ABCA13: variants seen among roughly 807,000 people sequenced by gnomAD.
ABCA13 encodes ATP binding cassette subfamily A member 13.
Under a neutral mutation model 478.7 loss-of-function variants are expected in ABCA13, and 476 were observed. That is an observed-to-expected ratio of 0.99 (90% CI 0.92 to 1.07). ABCA13 has a LOEUF of 1.07. ABCA13 is among the 50% of genes least tolerant of loss of function. The pLI is 0.00. For synonymous variants in ABCA13, 2,252 were observed against 2,158.9 expected, an observed-to-expected ratio of 1.04 and a Z score of -1.20; for missense variants, 6,060 against 5,910.6, an observed-to-expected ratio of 1.03 and a Z score of -0.83.
rs78806338 is a variant in ABCA13 at position 48,576,438 on chromosome 7, T to C, written c.14355-3786T>C. Among the ~76,000 whole-genome samples the C allele has an allele frequency of 4.7e-3, 710 of 152,278 alleles. 4 individuals are homozygous for C. The highest frequency in any genetic ancestry group is 0.016 in the African/African-American group (668 of 41,566). On this transcript the variant is annotated intron_variant, in intron 55 of 61. Coordinates refer to ENST00000435803, the MANE Select transcript of ABCA13 (RefSeq NM_152701.5). ...ATGTGAAGACAGGGGAAAAATCCTT[T>C]CGTGCTTTCAGCAGGAGTTAATTAT...
chr7:48,564,334 G>A (rs993456876), intron 55 of ABCA13, among the ~76,000 whole-genome samples: 2 of 151,702 alleles, frequency 1.3e-5, no homozygotes, highest in African/African-American at 4.8e-5. Flanking sequence ...TTAAAGAATG[G>A]TATAAAACTG....
intron 55 of ABCA13, among the ~76,000 whole-genome samples, chr7:48,557,800 C>T (rs1019410377): frequency 5.3e-5 from 8 of 152,048 alleles, no homozygotes; most frequent in African/African-American, 9.7e-5. Flanking sequence ...TTTGCACCAA[C>T]GTAATATAAC....
intron 7 of ABCA13, among the ~76,000 whole-genome samples, chr7:48,232,765 CT>C (rs919678083): frequency 1.2e-4 from 18 of 152,314 alleles, no homozygotes; most frequent in African/African-American, 3.1e-4. Context: ...TATTTTTTCT[CT>C]CCTTTCTGGA....
In ABCA13 at chr7:48,176,111, C is replaced by T. The variant is rs1794840086; in HGVS notation, c.69+4559C>T. ...GGTGGTTGTTGTCTCCAGGATCCTA[C>T]ATCTGTTGACACCTTGGATCTCTGT... On this transcript the variant is annotated intron_variant, in intron 1 of 61. Coordinates refer to ENST00000435803, the MANE Select transcript of ABCA13 (RefSeq NM_152701.5). Among the ~76,000 whole-genome samples the T allele has an allele frequency of 1.3e-5, 2 of 152,190 alleles. 1 individual carries two copies. Among genetic ancestry groups the T allele is most frequent in the Admixed American group, 1.3e-4 (2 of 15,288 alleles).
chr7:48,378,143 G>C (rs956433826), intron 35 of ABCA13, among the ~76,000 whole-genome samples: 1 of 152,196 alleles, frequency 6.6e-6, no homozygotes. Flanking sequence ...TGGATGTCTG[G>C]TGTGCAGAGG....
intron 3 of ABCA13, among the ~76,000 whole-genome samples, chr7:48,201,474 C>A (rs1343842598): frequency 1.3e-5 from 2 of 152,178 alleles, no homozygotes; most frequent in Non-Finnish European, 2.9e-5. Context: ...GGCATCCCAG[C>A]ACTTTGGGAG....
chr7:48,620,477 T>C (rs1000249458), intron 59 of ABCA13, among the ~76,000 whole-genome samples: 2 of 152,054 alleles, frequency 1.3e-5, no homozygotes, highest in Non-Finnish European at 2.9e-5. Context: ...GAGGTTGTCC[T>C]GGGCATGTAA....
intron 35 of ABCA13, among the ~76,000 whole-genome samples, chr7:48,376,975 G>A (rs1813583382): frequency 6.6e-6 from 1 of 152,136 alleles, no homozygotes. Flanking sequence ...TAGGGACCAA[G>A]CGCTCAGCCA....
intron 13 of ABCA13, 122 bp downstream of exon 13, chr7:48,246,152 A>G (rs938282646): frequency 1.8e-5 from 19 of 1,071,870 alleles, no homozygotes; most frequent in Non-Finnish European, 2.2e-5. Context: ...CACACACTTA[A>G]AGGAAGCTGG....
chr7:48,438,289 C>A (rs934776842), intron 42 of ABCA13, among the ~76,000 whole-genome samples: 1 of 152,016 alleles, frequency 6.6e-6, no homozygotes, highest in Non-Finnish European at 1.5e-5. Context: ...TTTTTCCTAC[C>A]ATTTCAATGT....
At position 48,577,205 on chromosome 7, in the gene ABCA13, T is replaced by A. The variant is rs531239001; in HGVS notation, c.14355-3019T>A. Among the ~76,000 whole-genome samples the A allele has an allele frequency of 2.0e-5, 3 of 150,902 alleles. No homozygotes were observed. In the East Asian group the frequency reaches 5.8e-4, roughly 29 times the overall value. ...AGGAGCAAATTAAATTGAAAGTAAG[T>A]AGAAGAAAAGAAATGATAAAAATTA... On this transcript the variant is annotated intron_variant, in intron 55 of 61. Transcript: ENST00000435803.
At chr7:48,376,351 T>C in intron 34 of ABCA13, 90 bp from the exon 35 acceptor site, 1 of 1,492,196 alleles carries the variant, frequency 6.7e-7, no homozygotes. Flanking sequence ...CAACTTCACT[T>C]GAGCTTCCAG....
chr7:48,615,304 C>A lies in ABCA13; in HGVS notation c.14764C>A (p.Leu4922Ile). ...TTACAGCATGGAGGAGTGTGAGGCT[C>A]TTTGCACAAGACTGGCCATAATGGT... ...TSHSMEECEA[L>I]CTRLAIMVNG... The change falls in exon 59 of 62, where the codon CTT (leucine) becomes ATT (isoleucine). Residue 4922 changes from leucine to isoleucine, a missense_variant. Transcript: ENST00000435803. 1 of 1,568,792 alleles carries A rather than the reference C, an allele frequency of 6.4e-7. No homozygotes were observed. Among genetic ancestry groups the A allele is most frequent in the Non-Finnish European group, 8.7e-7 (1 of 1,154,654 alleles).
chr7:48,465,572 A>G (rs1041471217), intron 43 of ABCA13, among the ~76,000 whole-genome samples: 6 of 146,484 alleles, frequency 4.1e-5, no homozygotes, highest in Admixed American at 6.9e-5. Context: ...TTTATTGCTC[A>G]TAATAATTAT....
intron 58 of ABCA13, among the ~76,000 whole-genome samples, chr7:48,607,130 G>A (rs1204921912): frequency 1.3e-5 from 2 of 152,200 alleles, no homozygotes; most frequent in Non-Finnish European, 2.9e-5. Context: ...GTGGATCTTA[G>A]TTTGCTGGGC....
chr7:48,194,975 C>T (rs903039577), intron 2 of ABCA13, among the ~76,000 whole-genome samples: 1 of 152,180 alleles, frequency 6.6e-6, no homozygotes, highest in South Asian at 2.1e-4. Context: ...GACTATTAGA[C>T]TGTAGTGGGA....
At position 48,298,359 on chromosome 7, in the gene ABCA13, T is replaced by C; in HGVS notation, c.9200-7T>C. Reference sequence around the variant, plus strand: ...TACACAAATTTCTTATTTTCCTTACTTTGCAGATGTAAAAATAAAAGATTT... The same window carrying C: ...TACACAAATTTCTTATTTTCCTTACCTTGCAGATGTAAAAATAAAAGATTT... On this transcript the variant is annotated splice_region_variant and splice_polypyrimidine_tract_variant and intron_variant, in intron 22 of 61. Coordinates refer to ENST00000435803, the MANE Select transcript of ABCA13 (RefSeq NM_152701.5). 6.2e-7 allele frequency: 1 copy of C among 1,601,244 alleles called. No individual in the cohort carries two copies. Among genetic ancestry groups the C allele is most frequent in the Non-Finnish European group, 8.5e-7 (1 of 1,175,378 alleles).
In ABCA13 at chr7:48,272,649, A is replaced by G. The variant is rs1795773926; in HGVS notation, c.2983A>G (p.Ile995Val). 1 of 1,613,054 alleles carries G rather than the reference A, an allele frequency of 6.2e-7. No homozygotes were observed. The highest frequency in any genetic ancestry group is 1.7e-5 in the Admixed American group (1 of 59,894). ...LTFLTQISKH[I>V]LDIIKQFNFQ... ...TTTCCTTACACAAATCTCAAAACAC[A>G]TTTTGGATATCATAAAACAATTTAA... is the stretch of plus-strand genomic sequence containing the variant. The change falls in exon 17 of 62, where the codon ATT (isoleucine) becomes GTT (valine). Residue 995 changes from isoleucine (I) to valine (V), a missense_variant. Physicochemically the swap from Ile to Val is conservative, Grantham distance 29. Transcript: ENST00000435803.
At chr7:48,338,960 G>A (rs1181917701) in intron 29 of ABCA13, among the ~76,000 whole-genome samples, 1 of 152,140 alleles carries the variant, frequency 6.6e-6, no homozygotes, top group Admixed American at 6.5e-5. Flanking sequence ...AATCCATAGA[G>A]GGGCATAAAA....
Sources: gnomAD v4.1 joint callset for allele counts (sites outside exome capture counted in the v4.1 genomes callset) on GRCh38, gnomAD v4.1.1 for gene constraint, MANE v1.5 for transcripts, NCBI Gene and HGNC (gene_info 2026-07-23, HGNC 2026-07-21) for gene names.